OR3A3: variants seen among roughly 807,000 people sequenced by gnomAD.
OR3A3 encodes olfactory receptor 3A3.
For missense variants in OR3A3, 275 were observed against 391.4 expected, an observed-to-expected ratio of 0.70 and a Z score of 2.51; for synonymous variants, 103 against 163.9, an observed-to-expected ratio of 0.63 and a Z score of 2.84.
intron 2 of OR3A3, among the ~76,000 whole-genome samples, chr17:3,412,405 C>G (rs1340422223): frequency 6.8e-6 from 1 of 147,384 alleles, no homozygotes. Context: ...CTCGCTCAGA[C>G]CAGTTCACTG....
chr17:3,411,733 CT>C (rs1158102960), intron 1 of OR3A3, among the ~76,000 whole-genome samples: 5 of 152,210 alleles, frequency 3.3e-5, no homozygotes, highest in African/African-American at 9.6e-5. Flanking sequence ...GAGTCTCCAG[CT>C]GCACCTCTCC....
chr17:3,421,336 G>C, exon 3 of OR3A3: 1 of 1,614,232 alleles, frequency 6.2e-7, no homozygotes. Context: ...CCTCACTGTG[G>C]TGGGCATCTT....
At position 3,422,915 on chromosome 17, in the gene OR3A3, G is replaced by A. The variant is rs564764948; in HGVS notation, c.*1382G>A. On this transcript the variant is annotated 3_prime_UTR_variant, in exon 3 of 3. Transcript: ENST00000641141. ...GGATGGGACAGGGTGATGAGCAAAA[G>A]TGGTAAGAAGGAAGGATGGAAGTAA... 4.6e-5 allele frequency: 7 copies of A among 152,404 alleles called. No homozygotes were observed. In the South Asian group the frequency reaches 1.0e-3, roughly 23 times the overall value. The allele number at this position is 152,404 out of a possible 1,614,324, so 9.4% of individuals were successfully genotyped here.
intron 2 of OR3A3, among the ~76,000 whole-genome samples, chr17:3,418,284 G>A (rs1386992520): frequency 6.6e-6 from 1 of 152,120 alleles, no homozygotes; most frequent in Non-Finnish European, 1.5e-5. Flanking sequence ...AAGTCTAAAT[G>A]AATCGAAAGG....
intron 2 of OR3A3, among the ~76,000 whole-genome samples, chr17:3,419,968 T>A (rs140601039): frequency 6.6e-6 from 1 of 151,878 alleles, no homozygotes; most frequent in Non-Finnish European, 1.5e-5. Flanking sequence ...GGGGTTTCGC[T>A]GTGTTAGCCA....
At chr17:3,422,423 A>C (rs1055481468) in exon 3 of OR3A3, 1 of 152,196 alleles carries the variant, frequency 6.6e-6, no homozygotes, top group African/African-American at 2.4e-5. Context: ...TTTATGTTCC[A>C]ACTAGGTCCT....
exon 3 of OR3A3, chr17:3,422,810 G>A (rs2072444366): frequency 6.6e-6 from 1 of 152,642 alleles, no homozygotes; most frequent in South Asian, 2.1e-4. Context: ...CTGAGATAAG[G>A]TTGTGAAGAC....
chr17:3,422,698 A>G (rs1011776789), exon 3 of OR3A3: 1 of 152,244 alleles, frequency 6.6e-6, no homozygotes, highest in Non-Finnish European at 1.5e-5. Flanking sequence ...GCGTCCTAGC[A>G]ACACTACTGT....
At chr17:3,414,208 A>G (rs933536693) in intron 2 of OR3A3, among the ~76,000 whole-genome samples, 66 of 152,064 alleles carry the variant, frequency 4.3e-4, no homozygotes, top group African/African-American at 1.6e-3. Flanking sequence ...AGTAGCTGGG[A>G]CTACAGGTGC....
intron 2 of OR3A3, among the ~76,000 whole-genome samples, chr17:3,415,622 T>G (rs1484227524): frequency 6.6e-6 from 1 of 150,594 alleles, no homozygotes; most frequent in Non-Finnish European, 1.5e-5. Flanking sequence ...ATATATGGTC[T>G]TTTAATTTCT....
chr17:3,412,736 T>C (rs1314593183), intron 2 of OR3A3, among the ~76,000 whole-genome samples: 1 of 152,078 alleles, frequency 6.6e-6, no homozygotes, highest in East Asian at 1.9e-4. Context: ...CTTACTTGTC[T>C]GTAAGGTGTG....
intron 2 of OR3A3, among the ~76,000 whole-genome samples, chr17:3,414,670 A>G (rs2072380512): frequency 6.6e-6 from 1 of 152,212 alleles, no homozygotes; most frequent in South Asian, 2.1e-4. Context: ...AGGATGTCAG[A>G]GAAAAGGCAT....
At chr17:3,421,813 CTAAA>C in exon 3 of OR3A3, 22 of 312,726 alleles carry the variant, frequency 7.0e-5, no homozygotes, top group South Asian at 1.5e-4. Flanking sequence ...TAAAGGTAGG[CTAAA>C]TAAATAAATA....
chr17:3,420,503 T>G lies in OR3A3; in HGVS notation c.-6-77T>G, dbSNP rs2150682124. On this transcript the variant is annotated intron_variant, in intron 2 of 2. Transcript: ENST00000641141. Reference sequence around the variant, plus strand: ...ATGGCCTGGGGACTCGCCACGGGGCTTTGAACATAAATGGTTTAAAATGTT... The same window carrying G: ...ATGGCCTGGGGACTCGCCACGGGGCGTTGAACATAAATGGTTTAAAATGTT... The G allele has an allele frequency of 3.2e-6, 5 of 1,560,754 alleles. No individual in the cohort carries two copies. In the African/African-American group the frequency reaches 5.4e-5, roughly 17 times the overall value.
chr17:3,423,045 T>C (rs1027062653), exon 3 of OR3A3: 19 of 152,154 alleles, frequency 1.2e-4, no homozygotes, highest in African/African-American at 4.6e-4. Flanking sequence ...GAGCTTCCCT[T>C]AAGGGCAAAG....
chr17:3,418,236 G>A (rs1007033844), intron 2 of OR3A3, among the ~76,000 whole-genome samples: 19 of 151,968 alleles, frequency 1.3e-4, no homozygotes, highest in African/African-American at 4.6e-4. Flanking sequence ...TTTTTTTCTT[G>A]AGTATCTTTA....
At chr17:3,415,269 A>G (rs1172409641) in intron 2 of OR3A3, among the ~76,000 whole-genome samples, 1 of 151,748 alleles carries the variant, frequency 6.6e-6, no homozygotes, top group East Asian at 1.9e-4. Flanking sequence ...CATATTTTTA[A>G]GAGTTTTCCA....
chr17:3,416,004 G>T (rs1475294186), intron 2 of OR3A3, among the ~76,000 whole-genome samples: 1 of 151,658 alleles, frequency 6.6e-6, no homozygotes, highest in African/African-American at 2.4e-5. Flanking sequence ...TAGAGATGGG[G>T]TTTCACCATG....
exon 3 of OR3A3, chr17:3,421,778 C>T: frequency 2.4e-6 from 1 of 418,382 alleles, no homozygotes; most frequent in Non-Finnish European, 4.2e-6. Context: ...ACAAAAGTCT[C>T]TGCACTCAAG....
Sources: allele counts gnomAD v4.1 joint callset (sites outside exome capture counted in the v4.1 genomes callset), GRCh38; gene constraint gnomAD v4.1.1; transcripts MANE v1.5; gene names NCBI Gene and HGNC (gene_info 2026-07-23, HGNC 2026-07-21).